WASHC2C: variants seen among roughly 807,000 people sequenced by gnomAD.
The protein encoded by WASHC2C is Vaccinia Penetration Factor.
In WASHC2C, 73 loss-of-function variants were observed where a neutral mutation model predicts 142.2. The ratio of observed to expected loss-of-function variants is 0.51; its 90% confidence interval spans 0.43 to 0.62. The LOEUF (loss-of-function observed/expected upper bound fraction) is 0.62. WASHC2C is among the 20% of genes least tolerant of loss of function. The pLI, the probability that WASHC2C is intolerant of heterozygous loss-of-function variation, is 0.00. For synonymous variants in WASHC2C, 337 were observed against 565.5 expected, an observed-to-expected ratio of 0.60 and a Z score of 5.73; for missense variants, 969 against 1,531.7, an observed-to-expected ratio of 0.63 and a Z score of 6.13.
At chr10:45,756,472 T>A (rs2054308101) in intron 15 of WASHC2C, among the ~76,000 whole-genome samples, 1 of 152,144 alleles carries the variant, frequency 6.6e-6, no homozygotes, top group Non-Finnish European at 1.5e-5. Context: ...GCCTTATTTA[T>A]AAATAACTAG....
At chr10:45,728,074 G>A (rs1256838271) in intron 2 of WASHC2C, among the ~76,000 whole-genome samples, 1 of 152,204 alleles carries the variant, frequency 6.6e-6, no homozygotes, top group Non-Finnish European at 1.5e-5. Flanking sequence ...TGTCGCCCAG[G>A]CTGGAGTGCA....
At chr10:45,787,854 C>T (rs2058158575) in intron 28 of WASHC2C, among the ~76,000 whole-genome samples, 1 of 152,206 alleles carries the variant, frequency 6.6e-6, no homozygotes, top group Non-Finnish European at 1.5e-5. Flanking sequence ...CTCCCTGCAC[C>T]AAGTTCCCAC....
chr10:45,773,639 C>T (rs1242621707), intron 21 of WASHC2C, among the ~76,000 whole-genome samples: 3 of 152,252 alleles, frequency 2.0e-5, no homozygotes, highest in African/African-American at 7.2e-5. Context: ...TAGACTAGGC[C>T]AGTTAAGGCA....
intron 23 of WASHC2C, among the ~76,000 whole-genome samples, chr10:45,783,536 A>G (rs1554888596): frequency 1.3e-5 from 2 of 152,088 alleles, no homozygotes; most frequent in Admixed American, 6.5e-5. Context: ...ATCTCGGCCC[A>G]CTGCAGCCTC....
At position 45,757,232 on chromosome 10, in the gene WASHC2C, C is replaced by T. The variant is rs1346407727; in HGVS notation, c.1548+93C>T. On this transcript the variant is annotated intron_variant, in intron 16 of 30. Transcript: ENST00000623400. ...CAGAGGGAAGTACTGTTCCCTTTCA[C>T]GTTCATATTGAAGAACTTCAAACAG... 1,827 of 1,580,694 alleles carry T rather than the reference C, an allele frequency of 1.2e-3. 4 individuals are homozygous for T. The highest frequency in any genetic ancestry group is 1.4e-3 in the Non-Finnish European group (1,669 of 1,163,856).
intron 17 of WASHC2C, among the ~76,000 whole-genome samples, 188 bp from the exon 18 acceptor site, chr10:45,763,200 C>G (rs1394383808): frequency 6.6e-6 from 1 of 152,160 alleles, no homozygotes; most frequent in Non-Finnish European, 1.5e-5. Context: ...CTTAGCGCCA[C>G]TGCACACACC....
chr10:45,729,867 A>G (rs1371029377), intron 3 of WASHC2C, among the ~76,000 whole-genome samples: 1 of 152,070 alleles, frequency 6.6e-6, no homozygotes, highest in Non-Finnish European at 1.5e-5. Context: ...AGAATAGTTA[A>G]GAGAATGCCA....
rs1276905454 is a variant in WASHC2C at position 45,790,292 on chromosome 10, G to A, written c.3709-64G>A. On this transcript the variant is annotated intron_variant, in intron 29 of 30. Transcript: ENST00000623400. ...AATTGCATTTCCATAGCTTGTTGACGTGTTTGAGTTTAAAAAGAAAAATTG... is the reference window on the plus strand; with the variant it reads ...AATTGCATTTCCATAGCTTGTTGACATGTTTGAGTTTAAAAAGAAAAATTG... 4.0e-5 allele frequency: 64 copies of A among 1,608,442 alleles called. No individual in the cohort carries two copies. In the South Asian group the frequency reaches 6.5e-4, roughly 16 times the overall value.
chr10:45,729,611 C>T (rs2050299763), intron 3 of WASHC2C, among the ~76,000 whole-genome samples: 1 of 151,436 alleles, frequency 6.6e-6, no homozygotes, highest in African/African-American at 2.4e-5. Flanking sequence ...TCTCCCTTGG[C>T]AAATAGTATA....
intron 23 of WASHC2C, among the ~76,000 whole-genome samples, chr10:45,780,772 C>CTTAA (rs2057435750): frequency 7.5e-6 from 1 of 134,112 alleles, no homozygotes; most frequent in African/African-American, 2.9e-5. Flanking sequence ...TTTTTTTTTG[C>CTTAA]AATGGAGTTT....
intron 17 of WASHC2C, among the ~76,000 whole-genome samples, chr10:45,760,853 A>G (rs1181791662): frequency 2.0e-5 from 3 of 149,846 alleles, no homozygotes; most frequent in Non-Finnish European, 3.0e-5. Flanking sequence ...ACTTCCCACT[A>G]AAGTACGTGC....
intron 8 of WASHC2C, among the ~76,000 whole-genome samples, chr10:45,749,536 A>G (rs2053273560): frequency 1.3e-5 from 2 of 151,162 alleles, no homozygotes; most frequent in Non-Finnish European, 2.9e-5. Context: ...TAAAGGATAC[A>G]TTTTTAGGCC....
At chr10:45,790,216 T>C (rs1272192528) in intron 29 of WASHC2C, 140 bp from the exon 30 acceptor site, 2 of 1,393,022 alleles carry the variant, frequency 1.4e-6, no homozygotes, top group South Asian at 1.3e-5. Context: ...TCTGGGGTAG[T>C]GCATCCCAGG....
intron 5 of WASHC2C, among the ~76,000 whole-genome samples, chr10:45,742,358 A>G (rs1185798563): frequency 6.6e-6 from 1 of 152,202 alleles, no homozygotes; most frequent in Non-Finnish European, 1.5e-5. Context: ...CTTGTTGCCC[A>G]GGCTGGAGTG....
Position 45,746,646 on chromosome 10 carries a change from A to G in WASHC2C, c.731A>G (p.Gln244Arg), listed in dbSNP as rs2257402. 69,000 of 1,601,940 alleles carry G rather than the reference A, an allele frequency of 0.043. 2,846 individuals are homozygous for G. The highest frequency in any genetic ancestry group is 0.19 in the African/African-American group (13,824 of 73,390). ...FAHHSDNEQN[Q>R]HTTQMSDEEE... Reference sequence around the variant, plus strand: ...CATCACAGTGACAATGAACAAAACCAGGTAAGGCTCATATATTGAAATGAC... The same window carrying G: ...CATCACAGTGACAATGAACAAAACCGGGTAAGGCTCATATATTGAAATGAC... The change falls in exon 8 of 31, where the codon CAG becomes CGG. Residue 244 changes from glutamine (Q) to arginine (R), a missense_variant and splice_region_variant. Coordinates refer to ENST00000623400, the MANE Select transcript of WASHC2C (RefSeq NM_001330074.2).
intron 17 of WASHC2C, among the ~76,000 whole-genome samples, chr10:45,762,789 T>C (rs1733149143): frequency 6.6e-6 from 1 of 151,944 alleles, no homozygotes; most frequent in Non-Finnish European, 1.5e-5. Context: ...GCCTGTAGTC[T>C]CAGCTACTCA....
chr10:45,736,178 T>C (rs1445695906), intron 3 of WASHC2C, among the ~76,000 whole-genome samples: 3 of 147,968 alleles, frequency 2.0e-5, no homozygotes, highest in Non-Finnish European at 4.5e-5. Context: ...GAGGCCGAGG[T>C]GGGCGAATCA....
chr10:45,736,219 A>G (rs1179503458), intron 3 of WASHC2C, among the ~76,000 whole-genome samples: 1 of 151,442 alleles, frequency 6.6e-6, no homozygotes, highest in Non-Finnish European at 1.5e-5. Flanking sequence ...CCTGGTTAAC[A>G]TGGTGAAACC....
rs368255868 is a variant in WASHC2C at position 45,750,775 on chromosome 10, G to A, written c.868G>A (p.Ala290Thr). 3.2e-6 allele frequency: 5 copies of A among 1,548,830 alleles called. No individual in the cohort carries two copies. Among genetic ancestry groups the A allele is most frequent in the Non-Finnish European group, 4.4e-6 (5 of 1,147,126 alleles). Reference sequence around the variant, plus strand: ...GAAAAGAAGCAGACCTACATCGTTTGCAGATGAGCTGGCTGCCCGCATCAA... The same window carrying A: ...GAAAAGAAGCAGACCTACATCGTTTACAGATGAGCTGGCTGCCCGCATCAA... ...RPKRSRPTSF[A>T]DELAARIKGD... Residue 290 changes from alanine to threonine, a missense_variant, in exon 10 of 31, where the codon GCA (alanine) becomes ACA (threonine). Coordinates refer to ENST00000623400, the MANE Select transcript of WASHC2C (RefSeq NM_001330074.2).
Sources: gnomAD v4.1 joint callset for allele counts (sites outside exome capture counted in the v4.1 genomes callset) on GRCh38, gnomAD v4.1.1 for gene constraint, MANE v1.5 for transcripts, NCBI Gene and HGNC (gene_info 2026-07-23, HGNC 2026-07-21) for gene names.